DPPA2: variants seen among roughly 807,000 people sequenced by gnomAD.
The protein encoded by DPPA2 is developmental pluripotency-associated protein 2.
DPPA2 carries 26 observed loss-of-function variants against 36.2 expected under a neutral mutation model. The observed-to-expected ratio is 0.72, with a 90% confidence interval of 0.53 to 1.00. The LOEUF (loss-of-function observed/expected upper bound fraction) is 1.00, where lower values mean the gene tolerates loss of function less well. DPPA2 is among the 50% of genes least tolerant of loss of function. DPPA2 has a pLI of 0.00. For missense variants in DPPA2, 361 were observed against 365.1 expected (o/e 0.99, Z 0.09); for synonymous variants, 113 against 123.2 (o/e 0.92, Z 0.55).
intron 7 of DPPA2, among the ~76,000 whole-genome samples, chr3:109,302,628 G>A (rs905415809): frequency 1.3e-5 from 2 of 151,028 alleles, no homozygotes; most frequent in Non-Finnish European, 2.9e-5. Flanking sequence ...TAATTTTTGT[G>A]TTTTTAGTAG....
intron 8 of DPPA2, among the ~76,000 whole-genome samples, chr3:109,294,804 A>T (rs1204200053): frequency 6.6e-6 from 1 of 152,154 alleles, no homozygotes; most frequent in Non-Finnish European, 1.5e-5. Flanking sequence ...TGGGTGGATC[A>T]CGAGGTCAGG....
At chr3:109,314,854 A>C (rs1416520302) in intron 1 of DPPA2, among the ~76,000 whole-genome samples, 1 of 152,118 alleles carries the variant, frequency 6.6e-6, no homozygotes, top group Non-Finnish European at 1.5e-5. Flanking sequence ...GATTGAGTCC[A>C]GGAGTTCGAG....
chr3:109,308,363 T>C, intron 5 of DPPA2, 70 bp from the exon 6 acceptor site: 3 of 1,517,804 alleles, frequency 2.0e-6, no homozygotes, highest in East Asian at 2.3e-5. Flanking sequence ...GTCAATTTTA[T>C]TATTCTTTTT....
At chr3:109,309,780 A>T (rs924097918) in intron 3 of DPPA2, among the ~76,000 whole-genome samples, 2 of 145,392 alleles carry the variant, frequency 1.4e-5, no homozygotes, top group African/African-American at 5.1e-5. Context: ...CTCATATTAA[A>T]AATGAGGTAA....
rs760934559 is a variant in DPPA2, at chr3:109,308,179, C to G, written c.511G>C (p.Glu171Gln). 1.2e-6 allele frequency: 2 copies of G among 1,614,210 alleles called. No homozygotes were observed. The highest frequency in any genetic ancestry group is 3.3e-5 in the Admixed American group (2 of 60,016). ...GTTATCACTTCAACTGTATTGGTCT[C>G]TTCTGCTCTCTCATTCATCTCATAA... ...RSYEMNERAE[E>Q]TNTVEVITSA... The change falls in exon 6 of 9, where the codon GAG becomes CAG. Residue 171 changes from glutamate to glutamine, a missense_variant. By Grantham distance (29) the Glu-to-Gln change is conservative. Coordinates refer to ENST00000478945, the MANE Select transcript of DPPA2 (RefSeq NM_138815.4).
chr3:109,296,299 G>A (rs138001760), intron 8 of DPPA2, among the ~76,000 whole-genome samples: 45 of 152,276 alleles, frequency 3.0e-4, no homozygotes, highest in African/African-American at 8.9e-4. Flanking sequence ...CACCTTAACT[G>A]TAAAGGAACA....
At chr3:109,300,811 G>T (rs1368887249) in intron 7 of DPPA2, among the ~76,000 whole-genome samples, 6 of 99,644 alleles carry the variant, frequency 6.0e-5, no homozygotes, top group Admixed American at 1.5e-4. Context: ...GACAGAGCGA[G>T]ACTCAGTCTC....
chr3:109,300,964 A>G (rs574515057), intron 7 of DPPA2, among the ~76,000 whole-genome samples: 76 of 151,416 alleles, frequency 5.0e-4, no homozygotes, highest in South Asian at 4.6e-3. Context: ...TACATTCCAC[A>G]TACTGCAATG....
chr3:109,314,488 A>G (rs1321993567), intron 2 of DPPA2, 22 bp downstream of exon 2: 2 of 1,605,176 alleles, frequency 1.2e-6, no homozygotes, highest in Non-Finnish European at 1.7e-6. Flanking sequence ...GAGAAAAGTA[A>G]TTCTATTAGA....
At chr3:109,311,391 A>G (rs1707707353) in intron 3 of DPPA2, among the ~76,000 whole-genome samples, 1 of 152,054 alleles carries the variant, frequency 6.6e-6, no homozygotes, top group Non-Finnish European at 1.5e-5. Context: ...ACCCATCATT[A>G]TTTACTTCAT....
chr3:109,302,853 G>C (rs1345847047), intron 7 of DPPA2, among the ~76,000 whole-genome samples: 1 of 151,698 alleles, frequency 6.6e-6, no homozygotes, highest in Non-Finnish European at 1.5e-5. Flanking sequence ...ACTCATGGAT[G>C]GACATCGGGA....
intron 8 of DPPA2, among the ~76,000 whole-genome samples, chr3:109,297,625 G>C (rs1707378083): frequency 6.6e-6 from 1 of 151,968 alleles, no homozygotes; most frequent in African/African-American, 2.4e-5. Flanking sequence ...GGTGCAACAA[G>C]AACTCTCATT....
At chr3:109,312,728 TGC>T (rs1190067412) in intron 2 of DPPA2, 36 bp from the exon 3 acceptor site, 16 of 1,610,168 alleles carry the variant, frequency 9.9e-6, no homozygotes, top group African/African-American at 1.3e-5. Context: ...TTTCATTTGA[TGC>T]GGTACAACTA....
chr3:109,303,541 G>T (rs1367293923), intron 7 of DPPA2, among the ~76,000 whole-genome samples: 1 of 151,150 alleles, frequency 6.6e-6, no homozygotes, highest in East Asian at 2.0e-4. Flanking sequence ...AGCTAATTTT[G>T]TATTTTTAGT....
chr3:109,305,724 A>G (rs1199369758), intron 6 of DPPA2, among the ~76,000 whole-genome samples: 1 of 150,574 alleles, frequency 6.6e-6, no homozygotes, highest in East Asian at 2.0e-4. Flanking sequence ...CAGTGAGCTG[A>G]GATCACGCCA....
intron 8 of DPPA2, chr3:109,295,543 GC>G (rs928674116): frequency 1.3e-5 from 2 of 151,188 alleles, no homozygotes; most frequent in Non-Finnish European, 2.9e-5. Flanking sequence ...ATCATGCCAG[GC>G]CCCTGGTTTT....
At chr3:109,307,983 G>A (rs1303218313) in intron 6 of DPPA2, 49 bp downstream of exon 6, 1 of 1,580,838 alleles carries the variant, frequency 6.3e-7, no homozygotes, top group Admixed American at 1.8e-5. Context: ...ACTAATAAAA[G>A]TTAACCTTGT....
At chr3:109,294,245 T>C (rs55639729) in intron 8 of DPPA2, among the ~76,000 whole-genome samples, 25,983 of 152,232 alleles carry the variant, frequency 0.17, 2,878 homozygotes, top group Non-Finnish European at 0.25. Flanking sequence ...AATGATACCA[T>C]GTTTTCCAAT....
At chr3:109,312,249 G>A (rs983251650) in intron 3 of DPPA2, among the ~76,000 whole-genome samples, 7 of 152,134 alleles carry the variant, frequency 4.6e-5, no homozygotes, top group Admixed American at 6.6e-5. Flanking sequence ...CAGGAGAATC[G>A]CTTGAGCTCA....
Sources: gnomAD v4.1 joint callset for allele counts (sites outside exome capture counted in the v4.1 genomes callset) on GRCh38, gnomAD v4.1.1 for gene constraint, MANE v1.5 for transcripts, NCBI Gene and HGNC (gene_info 2026-07-23, HGNC 2026-07-21) for gene names.